GALNT13: variants seen among roughly 807,000 people sequenced by gnomAD.
GALNT13 encodes polypeptide N-acetylgalactosaminyltransferase 13.
In GALNT13, 28 loss-of-function variants were observed where a neutral mutation model predicts 64.2. That is an observed-to-expected ratio of 0.44 (90% confidence interval 0.32 to 0.60). The LOEUF (loss-of-function observed/expected upper bound fraction) is 0.60. GALNT13 is among the 20% of genes least tolerant of loss of function. The pLI, the probability that GALNT13 is intolerant of heterozygous loss-of-function variation, is 0.05. For synonymous variants in GALNT13, 214 were observed against 224.6 expected (o/e 0.95, Z 0.42); for missense variants, 577 against 669.8 (o/e 0.86, Z 1.53).
At chr2:153,141,669 G>A in the GALNT13 span, among the ~76,000 whole-genome samples, 2 of 152,114 alleles carry the variant, frequency 1.3e-5, no homozygotes, top group South Asian at 4.1e-4. Flanking sequence ...GTCTCTTGCT[G>A]TTTGGTAGGT....
chr2:153,972,193 T>G (rs1198889288), intron 3 of GALNT13, among the ~76,000 whole-genome samples: 1 of 152,048 alleles, frequency 6.6e-6, no homozygotes, highest in Non-Finnish European at 1.5e-5. Context: ...TTTCTGTTGT[T>G]TTTTTGCCAC....
At chr2:153,850,410 CA>C in the GALNT13 span, among the ~76,000 whole-genome samples, 1 of 152,094 alleles carries the variant, frequency 6.6e-6, no homozygotes, top group African/African-American at 2.4e-5. Context: ...TAAAAAAGAT[CA>C]AACTATTTCC....
the GALNT13 span, among the ~76,000 whole-genome samples, chr2:153,262,731 G>A: frequency 6.6e-6 from 1 of 152,014 alleles, no homozygotes; most frequent in Non-Finnish European, 1.5e-5. Context: ...TGCAGAAAAG[G>A]CCAGAGATAA....
intron 1 of GALNT13, among the ~76,000 whole-genome samples, chr2:153,889,843 T>G (rs1281520600): frequency 6.6e-6 from 1 of 152,008 alleles, no homozygotes; most frequent in Non-Finnish European, 1.5e-5. Flanking sequence ...TTTATTGAGA[T>G]ACATACTTAC....
Position 153,925,392 on chromosome 2 carries a change from A to G in GALNT13, c.-104-19002A>G, listed in dbSNP as rs529791995. ...GCGCAGTCTTATTTCTGGGTTCTGC[A>G]TTCTGTTCCATTGGTCTATGTGTCT... On this transcript the variant is annotated intron_variant, in intron 2 of 12. Transcript: ENST00000392825. 2.0e-5 allele frequency among the ~76,000 whole-genome samples: 3 copies of G among 151,580 alleles called. No homozygotes were observed. The South Asian group carries it at 6.2e-4, about 32-fold the overall frequency.
chr2:153,961,397 T>C (rs1392263627), intron 3 of GALNT13, among the ~76,000 whole-genome samples: 1 of 152,232 alleles, frequency 6.6e-6, no homozygotes, highest in Non-Finnish European at 1.5e-5. Context: ...GCATATTCTA[T>C]GCAAATACTT....
intron 3 of GALNT13, among the ~76,000 whole-genome samples, chr2:154,118,232 T>C (rs1199462764): frequency 6.6e-6 from 1 of 151,972 alleles, no homozygotes; most frequent in Non-Finnish European, 1.5e-5. Context: ...ACAACTGATA[T>C]AACTTTTTGA....
At position 153,963,775 on chromosome 2, in the gene GALNT13, GTGTGTGTT is replaced by G. The variant is rs1693123772; in HGVS notation, c.142+19139_142+19146del. 1.8e-4 allele frequency among the ~76,000 whole-genome samples: 25 copies of G among 142,588 alleles called. No individual in the cohort carries two copies. In the South Asian group the frequency reaches 5.7e-3, roughly 32 times the overall value. The allele number at this position is 142,588 out of a possible 152,430, so 93.5% of individuals were successfully genotyped here. Reference sequence around the variant, plus strand: ...TGTGTGTGTGTGTGTGTGTGTGTGTGTGTGTGTTTGGCCAGACTTGTTTTATGAACTAT... The same window carrying G: ...TGTGTGTGTGTGTGTGTGTGTGTGTGTGGCCAGACTTGTTTTATGAACTAT... On this transcript the variant is annotated intron_variant, in intron 3 of 12. Transcript: ENST00000392825.
At position 153,911,657 on chromosome 2, in the gene GALNT13, C is replaced by T. The variant is rs540617213; in HGVS notation, c.-105+10650C>T. 2.6e-4 allele frequency among the ~76,000 whole-genome samples: 39 copies of T among 152,198 alleles called. 1 individual carries two copies. The highest frequency in any genetic ancestry group is 1.7e-3 in the South Asian group (8 of 4,820). ...TCTGAAAAGCATCTTATTTCTCCTT[C>T]GCTTATGAAGCTTAGTTTGTTTGTA... On this transcript the variant is annotated intron_variant, in intron 2 of 12. Transcript: ENST00000392825.
intron 2 of GALNT13, among the ~76,000 whole-genome samples, chr2:153,909,008 A>G (rs1574091064): frequency 6.6e-6 from 1 of 152,088 alleles, no homozygotes; most frequent in African/African-American, 2.4e-5. Flanking sequence ...AATGATATTG[A>G]TTCCTCCTAT....
the GALNT13 span, among the ~76,000 whole-genome samples, chr2:153,340,774 T>C: frequency 6.6e-6 from 1 of 152,030 alleles, no homozygotes; most frequent in African/African-American, 2.4e-5. Context: ...AGAGTTTTTA[T>C]CACAGGAAGA....
At chr2:153,349,046 T>C in the GALNT13 span, among the ~76,000 whole-genome samples, 2 of 152,214 alleles carry the variant, frequency 1.3e-5, no homozygotes, top group African/African-American at 4.8e-5. Context: ...GACAGTGGCT[T>C]AACTATGATA....
At chr2:153,656,452 T>C in the GALNT13 span, among the ~76,000 whole-genome samples, 3 of 151,924 alleles carry the variant, frequency 2.0e-5, no homozygotes, top group East Asian at 5.8e-4. Context: ...TAGCTGTGAG[T>C]CGCCTGAGAA....
At chr2:154,362,660 T>C (rs949219212) in intron 9 of GALNT13, among the ~76,000 whole-genome samples, 2 of 152,234 alleles carry the variant, frequency 1.3e-5, no homozygotes, top group East Asian at 1.9e-4. Context: ...CCCAGACAAA[T>C]TGTTGACTTA....
chr2:153,606,965 G>C, the GALNT13 span, among the ~76,000 whole-genome samples: 1 of 148,822 alleles, frequency 6.7e-6, no homozygotes, highest in South Asian at 2.1e-4. Flanking sequence ...TCATATTTCA[G>C]TATATAGATG....
At chr2:154,403,084 A>G (rs1190429745) in intron 10 of GALNT13, among the ~76,000 whole-genome samples, 1 of 152,134 alleles carries the variant, frequency 6.6e-6, no homozygotes, top group Non-Finnish European at 1.5e-5. Flanking sequence ...GGAACAATTT[A>G]TGTGCTTCTA....
chr2:153,924,138 G>A (rs1010128395), intron 2 of GALNT13, among the ~76,000 whole-genome samples: 2 of 152,106 alleles, frequency 1.3e-5, no homozygotes, highest in Admixed American at 1.3e-4. Flanking sequence ...GTGGTTTGCT[G>A]CACAGATCAT....
chr2:153,825,448 C>T, the GALNT13 span, among the ~76,000 whole-genome samples: 2 of 152,204 alleles, frequency 1.3e-5, no homozygotes, highest in African/African-American at 4.8e-5. Context: ...CGACAAGCCA[C>T]TATCTTAGAA....
the GALNT13 span, among the ~76,000 whole-genome samples, chr2:153,095,850 C>T: frequency 6.6e-6 from 1 of 151,622 alleles, no homozygotes; most frequent in Non-Finnish European, 1.5e-5. Flanking sequence ...AACACTTGGA[C>T]ACAGGATGGG....
Sources: gnomAD v4.1 joint callset for allele counts (sites outside exome capture counted in the v4.1 genomes callset) on GRCh38, gnomAD v4.1.1 for gene constraint, MANE v1.5 for transcripts, NCBI Gene and HGNC (gene_info 2026-07-23, HGNC 2026-07-21) for gene names.